Variants in SLC24A4 observed in about 807,000 individuals in gnomAD.
The protein encoded by SLC24A4 is sodium/potassium/calcium exchanger 4.
In SLC24A4, 53 loss-of-function variants were observed where a neutral mutation model predicts 79.0. The ratio of observed to expected loss-of-function variants is 0.67; its 90% CI spans 0.54 to 0.84. The LOEUF is 0.84. SLC24A4 is among the 40% of genes least tolerant of loss of function. The pLI is 0.00. For missense variants in SLC24A4, 731 were observed against 822.0 expected (o/e 0.89, Z 1.35); for synonymous variants, 323 against 323.8 (o/e 1.00, Z 0.03).
At chr14:92,348,390 T>C (rs540225036) in intron 2 of SLC24A4, among the ~76,000 whole-genome samples, 3 of 152,228 alleles carry the variant, frequency 2.0e-5, no homozygotes, top group Non-Finnish European at 4.4e-5. Flanking sequence ...GTAAACATTT[T>C]AGGCTTTGCG....
At position 92,490,718 on chromosome 14, in the gene SLC24A4, A is replaced by G. The variant is rs1449832575; in HGVS notation, c.1538-947A>G. ...CCTCCAGCCCAGGGTAGCTGGGAACATGAAGTGAGGCGCAGTGGCCGGGAG... is the reference window on the plus strand; with the variant it reads ...CCTCCAGCCCAGGGTAGCTGGGAACGTGAAGTGAGGCGCAGTGGCCGGGAG... On this transcript the variant is annotated intron_variant, in intron 14 of 16. Transcript: ENST00000532405. The surrounding 1 kb of genome is among the most constrained non-coding windows in gnomAD (Gnocchi z 4.3). Among the ~76,000 whole-genome samples, 2 of 152,066 alleles carry G rather than the reference A, an allele frequency of 1.3e-5. No homozygotes were observed. Among genetic ancestry groups the G allele is most frequent in the Non-Finnish European group, 2.9e-5 (2 of 68,002 alleles).
chr14:92,392,474 C>T (rs1421266291), intron 2 of SLC24A4, among the ~76,000 whole-genome samples: 4 of 151,770 alleles, frequency 2.6e-5, no homozygotes, highest in Admixed American at 6.6e-5. Flanking sequence ...CTGTTCTCCT[C>T]GAGGTATGTA....
At chr14:92,445,097 C>G (rs1892724293) in intron 7 of SLC24A4, among the ~76,000 whole-genome samples, 2 of 152,182 alleles carry the variant, frequency 1.3e-5, no homozygotes, top group African/African-American at 4.8e-5. Flanking sequence ...GGACGTATCT[C>G]TGGGGGTGGC....
intron 2 of SLC24A4, among the ~76,000 whole-genome samples, chr14:92,393,744 C>T (rs1446568642): frequency 6.6e-6 from 1 of 151,878 alleles, no homozygotes; most frequent in African/African-American, 2.4e-5. Context: ...GGCATGGTGG[C>T]TCACACCTGT....
chr14:92,452,989 C>G (rs1290013188), intron 10 of SLC24A4: 1 of 152,208 alleles, frequency 6.6e-6, no homozygotes, highest in African/African-American at 2.4e-5. Context: ...TTTTTATAGC[C>G]CTTTGGAGGG....
chr14:92,439,988 C>T (rs1022482210), intron 4 of SLC24A4, among the ~76,000 whole-genome samples: 3 of 152,230 alleles, frequency 2.0e-5, no homozygotes, highest in African/African-American at 7.2e-5. Context: ...AATTGACTTC[C>T]GTTTGCAGCA....
chr14:92,325,478 G>A (rs752482617), intron 1 of SLC24A4, among the ~76,000 whole-genome samples: 1 of 152,210 alleles, frequency 6.6e-6, no homozygotes, highest in South Asian at 2.1e-4. Context: ...CATCAGCCTT[G>A]CCCACCTGCT....
intron 2 of SLC24A4, among the ~76,000 whole-genome samples, chr14:92,407,268 C>T (rs1040156328): frequency 2.0e-5 from 3 of 152,238 alleles, no homozygotes; most frequent in Non-Finnish European, 4.4e-5. Context: ...GTGCATGTCA[C>T]TGTCAGCATT....
chr14:92,470,083 T>C (rs1363656894), intron 12 of SLC24A4, among the ~76,000 whole-genome samples: 1 of 152,234 alleles, frequency 6.6e-6, no homozygotes, highest in East Asian at 1.9e-4. Context: ...CAATTGCTTT[T>C]AACTGGAGTT....
At chr14:92,410,396 T>A (rs1229880064) in intron 2 of SLC24A4, among the ~76,000 whole-genome samples, 3 of 152,174 alleles carry the variant, frequency 2.0e-5, no homozygotes, top group Non-Finnish European at 4.4e-5. Flanking sequence ...CCCAGGTTGG[T>A]CTCAATTTTC....
At position 92,493,602 on chromosome 14, in the gene SLC24A4, T is replaced by G; in HGVS notation, c.1843T>G (p.Leu615Val). Residue 615 changes from leucine (L) to valine (V), a missense_variant, in exon 17 of 17, where the codon TTG becomes GTG. Transcript: ENST00000532405. ...GTTTAACGTCTTTACCTTCGTCAAC[T>G]TGCCGATGTGCCGGGAAGACGATTA... Reference protein sequence around the residue: ...IEFNVFTFVNLPMCREDD With the variant: ...IEFNVFTFVNVPMCREDD The G allele has an allele frequency of 6.2e-7, 1 of 1,614,192 alleles. No individual in the cohort carries two copies. Among genetic ancestry groups the G allele is most frequent in the Non-Finnish European group, 8.5e-7 (1 of 1,180,028 alleles).
chr14:92,426,790 G>A (rs916402501), intron 2 of SLC24A4, among the ~76,000 whole-genome samples: 1 of 151,962 alleles, frequency 6.6e-6, no homozygotes, highest in African/African-American at 2.4e-5. Context: ...TTCTTCTTTC[G>A]GTTTCTGGCA....
At chr14:92,453,829 A>T in intron 10 of SLC24A4, 71 bp from the exon 11 acceptor site, 1 of 1,480,952 alleles carries the variant, frequency 6.8e-7, no homozygotes, top group East Asian at 2.5e-5. Flanking sequence ...GGTGAGGGGA[A>T]GTCAGTGGCC....
At chr14:92,403,356 C>T (rs1890208920) in intron 2 of SLC24A4, among the ~76,000 whole-genome samples, 1 of 150,016 alleles carries the variant, frequency 6.7e-6, no homozygotes, top group East Asian at 2.0e-4. Flanking sequence ...GCCTGTAATC[C>T]CAGCACTTTG....
chr14:92,402,223 C>T lies in SLC24A4; in HGVS notation c.242-31689C>T, dbSNP rs149263113. Among the ~76,000 whole-genome samples, 48 of 152,250 alleles carry T rather than the reference C, an allele frequency of 3.2e-4. 1 individual carries two copies. The East Asian group carries it at 7.9e-3, about 25-fold the overall frequency. ...TTCCCGTGGCTTCTAAAAATACCTC[C>T]GTGAGGCAGGCAGGATTATTGAGTG... On this transcript the variant is annotated intron_variant, in intron 2 of 16. Transcript: ENST00000532405.
intron 14 of SLC24A4, among the ~76,000 whole-genome samples, chr14:92,488,731 C>T (rs548551581): frequency 2.0e-5 from 3 of 152,194 alleles, no homozygotes; most frequent in African/African-American, 4.8e-5. Context: ...GGGCCCTGGC[C>T]GATGTTCAGC....
At chr14:92,336,240 G>A (rs1267223582) in intron 2 of SLC24A4, among the ~76,000 whole-genome samples, 7 of 152,206 alleles carry the variant, frequency 4.6e-5, no homozygotes, top group African/African-American at 7.2e-5. Context: ...GCCGTTGGAC[G>A]TAACAGAAAA....
Position 92,441,113 on chromosome 14 carries a change from T to C in SLC24A4, c.394-976T>C, listed in dbSNP as rs1037593098. Among the ~76,000 whole-genome samples, 1 of 152,066 alleles carries C rather than the reference T, an allele frequency of 6.6e-6. No homozygotes were observed. Among genetic ancestry groups the C allele is most frequent in the Non-Finnish European group, 1.5e-5 (1 of 67,998 alleles). Reference sequence around the variant, plus strand: ...GAGCTCTAACCCTTCTGAGGACCCCTCTAAGGCTTAGCTGACCAGTGGGTT... The same window carrying C: ...GAGCTCTAACCCTTCTGAGGACCCCCCTAAGGCTTAGCTGACCAGTGGGTT... On this transcript the variant is annotated intron_variant, in intron 4 of 16. Transcript: ENST00000532405. The surrounding 1 kb of genome is among the most constrained non-coding windows in gnomAD (Gnocchi z 4.6).
In SLC24A4 at chr14:92,332,806, G is replaced by C. The variant is rs141741056; in HGVS notation, c.241+6828G>C. The stretch of plus-strand genomic sequence containing the variant: ...TCAACCCAAAGATGATATAATGCCT[G>C]TGTGTGGTAAGTACAGAAAAACAAT... On this transcript the variant is annotated intron_variant, in intron 2 of 16. Transcript: ENST00000532405. Among the ~76,000 whole-genome samples, 147 of 152,294 alleles carry C rather than the reference G, an allele frequency of 9.7e-4. 1 individual carries two copies. The highest frequency in any genetic ancestry group is 3.4e-3 in the African/African-American group (142 of 41,550).
Sources: allele counts gnomAD v4.1 joint callset (sites outside exome capture counted in the v4.1 genomes callset), GRCh38; gene constraint gnomAD v4.1.1; non-coding constraint Gnocchi (gnomAD v3.1); transcripts MANE v1.5; gene names NCBI Gene and HGNC (gene_info 2026-07-23, HGNC 2026-07-21).